Variants in WDR41 observed in about 807,000 individuals in gnomAD.
WDR41 encodes the protein WD repeat-containing protein 41.
WDR41 carries 63 observed loss-of-function variants against 69.3 expected under a neutral mutation model. The ratio of observed to expected loss-of-function variants is 0.91; its 90% CI spans 0.74 to 1.12. The LOEUF is 1.12. Among genes scored for constraint, WDR41 ranks in the 50% most tolerant of loss-of-function variants. The pLI is 0.00. For missense variants in WDR41, 543 were observed against 534.5 expected (o/e 1.02, Z -0.16); for synonymous variants, 185 against 192.1 (o/e 0.96, Z 0.31).
At chr5:77,510,364 A>T (rs534295876) in intron 1 of WDR41, among the ~76,000 whole-genome samples, 2 of 152,126 alleles carry the variant, frequency 1.3e-5, no homozygotes, top group African/African-American at 4.8e-5. Context: ...CCCACAACAC[A>T]TGGGAATTAT....
chr5:77,550,207 C>G lies in WDR41; in HGVS notation c.43-60635G>C, dbSNP rs188453827. ...GGGAAAGAATTTGTGACTAAATTCT[C>G]AAAAGTAATTGCAGCATAAACAAAA... On this transcript the variant is annotated intron_variant, in intron 1 of 5. Transcript: ENST00000509971. 1.1e-3 allele frequency among the ~76,000 whole-genome samples: 172 copies of G among 152,204 alleles called. 1 individual carries two copies. Among genetic ancestry groups the G allele is most frequent in the African/African-American group, 4.0e-3 (165 of 41,522 alleles).
At chr5:77,496,649 G>T (rs1490127908), upstream of WDR41, among the ~76,000 whole-genome samples, 1 of 152,010 alleles carries the variant, frequency 6.6e-6, no homozygotes. Context: ...CCAAGCTCTT[G>T]GATAGAAAGA....
chr5:77,577,677 T>C (rs946903521), intron 1 of WDR41, among the ~76,000 whole-genome samples: 3 of 152,184 alleles, frequency 2.0e-5, no homozygotes, highest in Non-Finnish European at 4.4e-5. Flanking sequence ...TATACAAGAA[T>C]ATATATTGCA....
At chr5:77,468,367 G>C (rs1395584382) in intron 2 of WDR41, among the ~76,000 whole-genome samples, 1 of 152,122 alleles carries the variant, frequency 6.6e-6, no homozygotes, top group Non-Finnish European at 1.5e-5. Context: ...TGAGTCCTTA[G>C]AGAATTCTCA....
Position 77,610,243 on chromosome 5 carries a change from A to C in WDR41, c.42+10236T>G, listed in dbSNP as rs188958731. On this transcript the variant is annotated intron_variant, in intron 1 of 5. Coordinates refer to the WDR41 transcript ENST00000509971. ...GTTGGAAAACACTGCAGGATATTAT[A>C]CAGGAGAACTTCCCCAATCTAGCAA... Among the ~76,000 whole-genome samples, 762 of 152,324 alleles carry C rather than the reference A, an allele frequency of 5.0e-3. 10 individuals are homozygous for C. The highest frequency in any genetic ancestry group is 0.017 in the African/African-American group (723 of 41,574).
chr5:77,502,059 TAACA>T (rs1010411191), intron 1 of WDR41, among the ~76,000 whole-genome samples: 19 of 152,000 alleles, frequency 1.3e-4, no homozygotes, highest in African/African-American at 4.6e-4. Context: ...AAGTTGGTAA[TAACA>T]AACTCCTCTG....
At chr5:77,596,882 G>T (rs1206698353) in intron 1 of WDR41, among the ~76,000 whole-genome samples, 2 of 151,930 alleles carry the variant, frequency 1.3e-5, no homozygotes, top group African/African-American at 4.8e-5. Flanking sequence ...TGGGAGGGAG[G>T]TTAAGGGGGT....
rs369095342 is a variant in WDR41, at chr5:77,512,344, G to A, written c.43-22772C>T. On this transcript the variant is annotated intron_variant, in intron 1 of 5. Transcript: ENST00000509971. ...ACATGGGGTGAGTGAGAGAGAGAGA[G>A]AGAGAGAGTGAGTGTGTGTGTGTGT... Among the ~76,000 whole-genome samples the A allele has an allele frequency of 6.0e-3, 674 of 111,782 alleles. 6 individuals carry two copies. Among genetic ancestry groups the A allele is most frequent in the African/African-American group, 0.023 (623 of 27,214 alleles). 73.3% of individuals were successfully genotyped at this position (111,782 alleles called of 152,430 possible).
At chr5:77,433,382 A>T (rs1798803572) in intron 12 of WDR41, 95 bp from the exon 13 acceptor site, 2 of 1,131,740 alleles carry the variant, frequency 1.8e-6, no homozygotes, top group African/African-American at 3.2e-5. Context: ...TATGTGCCTT[A>T]AAGACTCCTT....
At chr5:77,512,745 C>CAAAAAAAAAAAAAAAAAAAA (rs71606301) in intron 1 of WDR41, among the ~76,000 whole-genome samples, 2 of 74,078 alleles carry the variant, frequency 2.7e-5, no homozygotes, top group African/African-American at 4.8e-5. Context: ...GACTCCATCT[C>CAAAAAAAAAAAAAAAAAAAA]AAAAAAAAAA....
In WDR41 at chr5:77,618,940, G is replaced by C. The variant is rs555451253; in HGVS notation, c.42+1539C>G. Among the ~76,000 whole-genome samples, 6 of 152,266 alleles carry C rather than the reference G, an allele frequency of 3.9e-5. No individual in the cohort carries two copies. In the South Asian group the frequency reaches 1.2e-3, roughly 32 times the overall value. On this transcript the variant is annotated intron_variant, in intron 1 of 5. Transcript: ENST00000509971. ...ATCCTGTCCATAAGCTATGCTAAATGACAATTTGGTCTATAATTTGTGTGA... is the reference window on the plus strand; with the variant it reads ...ATCCTGTCCATAAGCTATGCTAAATCACAATTTGGTCTATAATTTGTGTGA...
At chr5:77,435,134 C>T (rs1306333427) in intron 12 of WDR41, among the ~76,000 whole-genome samples, 2 of 152,128 alleles carry the variant, frequency 1.3e-5, no homozygotes, top group Admixed American at 6.5e-5. Flanking sequence ...ATGCTCACCT[C>T]CCAACCATAA....
At chr5:77,593,052 G>A (rs993101789) in intron 1 of WDR41, among the ~76,000 whole-genome samples, 34 of 152,166 alleles carry the variant, frequency 2.2e-4, no homozygotes, top group Admixed American at 2.2e-3. Flanking sequence ...GAGAGTCCCA[G>A]GCAGAGGAAA....
chr5:77,588,411 C>T (rs1744078154), intron 1 of WDR41, among the ~76,000 whole-genome samples: 1 of 152,174 alleles, frequency 6.6e-6, no homozygotes. Context: ...TATTGCTTCA[C>T]TTTCCACATT....
intron 2 of WDR41, among the ~76,000 whole-genome samples, chr5:77,476,103 G>T (rs1418699565): frequency 7.0e-6 from 1 of 141,920 alleles, no homozygotes; most frequent in South Asian, 2.3e-4. Flanking sequence ...GAAATGAAGC[G>T]AGAAGGGAAG....
At chr5:77,504,104 G>C (rs1403765884) in intron 1 of WDR41, among the ~76,000 whole-genome samples, 1 of 150,490 alleles carries the variant, frequency 6.6e-6, no homozygotes, top group Non-Finnish European at 1.5e-5. Context: ...TTTTTGAAAA[G>C]ATCAACAAAA....
intron 2 of WDR41, among the ~76,000 whole-genome samples, chr5:77,474,677 C>T (rs1442224320): frequency 6.7e-6 from 1 of 150,078 alleles, no homozygotes; most frequent in Non-Finnish European, 1.5e-5. Flanking sequence ...AGTCTAAGGT[C>T]CTTTTTTAGC....
chr5:77,530,952 C>T (rs941422610), intron 1 of WDR41, among the ~76,000 whole-genome samples: 4 of 151,554 alleles, frequency 2.6e-5, no homozygotes, highest in African/African-American at 7.3e-5. Context: ...TGGATACTCA[C>T]ATGCAAAAAA....
intron 1 of WDR41, among the ~76,000 whole-genome samples, chr5:77,575,451 T>C (rs754765790): frequency 1.3e-5 from 2 of 152,250 alleles, no homozygotes; most frequent in Non-Finnish European, 2.9e-5. Context: ...GTTGAATACT[T>C]CTGGTAAGGA....
Sources: gnomAD v4.1 joint callset for allele counts (sites outside exome capture counted in the v4.1 genomes callset) on GRCh38, gnomAD v4.1.1 for gene constraint, MANE v1.5 for transcripts, NCBI Gene and HGNC (gene_info 2026-07-23, HGNC 2026-07-21) for gene names.